The following SLC16A7 variants were observed in gnomAD, a reference collection of about 807,000 sequenced individuals.
SLC16A7 encodes monocarboxylate transporter 2.
Under a neutral mutation model 34.9 loss-of-function variants are expected in SLC16A7, and 33 were observed. The observed-to-expected ratio is 0.94, with a 90% confidence interval of 0.72 to 1.26. The LOEUF (loss-of-function observed/expected upper bound fraction) is 1.26, where lower values mean the gene tolerates loss of function less well. SLC16A7 is among the 50% of genes most tolerant of loss of function. SLC16A7 has a pLI of 0.00. For synonymous variants in SLC16A7, 201 were observed against 206.6 expected (o/e 0.97, Z 0.23); for missense variants, 573 against 578.1 (o/e 0.99, Z 0.09).
At chr12:59,773,332 G>A (rs1228407367) in intron 4 of SLC16A7, among the ~76,000 whole-genome samples, 2 of 151,956 alleles carry the variant, frequency 1.3e-5, no homozygotes, top group Non-Finnish European at 2.9e-5. Context: ...CAGCTTTTAG[G>A]GGTCCTCTTA....
chr12:59,597,667 C>G (rs1320029273), intron 1 of SLC16A7, among the ~76,000 whole-genome samples: 1 of 152,264 alleles, frequency 6.6e-6, no homozygotes, highest in East Asian at 1.9e-4. Flanking sequence ...ATATTTAGCT[C>G]TGGTGAAGCA....
chr12:59,713,573 C>A, intron 3 of SLC16A7, among the ~76,000 whole-genome samples: 1 of 152,240 alleles, frequency 6.6e-6, no homozygotes, highest in African/African-American at 2.4e-5. Flanking sequence ...AGAGTAAATG[C>A]ATTGTTCCAA....
intron 1 of SLC16A7, among the ~76,000 whole-genome samples, chr12:59,652,590 C>G (rs1473013844): frequency 1.3e-5 from 2 of 151,672 alleles, no homozygotes; most frequent in African/African-American, 4.8e-5. Context: ...TTAAAAATAC[C>G]ATACTATTTC....
chr12:59,629,033 T>A (rs1880061098), intron 1 of SLC16A7, among the ~76,000 whole-genome samples: 1 of 151,808 alleles, frequency 6.6e-6, no homozygotes, highest in East Asian at 1.9e-4. Flanking sequence ...CCAATTCAGT[T>A]CCTGGTGAGG....
At position 59,668,168 on chromosome 12, in the gene SLC16A7, A is replaced by G. The variant is rs528456480; in HGVS notation, c.-31+12918A>G. On this transcript the variant is annotated intron_variant, in intron 2 of 5. Transcript: ENST00000547379. ...GGGAAATGTGGGGTCAGAGCTCCAC[A>G]CAGAGTCCCCACTGGGGCACCATCT... 5.3e-3 allele frequency among the ~76,000 whole-genome samples: 800 copies of G among 152,330 alleles called. 6 individuals are homozygous for G. The highest frequency in any genetic ancestry group is 0.012 in the South Asian group (56 of 4,828).
chr12:59,598,533 C>T (rs1250806922), intron 1 of SLC16A7, among the ~76,000 whole-genome samples: 3 of 152,222 alleles, frequency 2.0e-5, no homozygotes, highest in Middle Eastern at 3.4e-3. Flanking sequence ...ATCCAAGTAA[C>T]TTGAAAGGAA....
intron 1 of SLC16A7, among the ~76,000 whole-genome samples, chr12:59,612,005 G>C (rs1051525795): frequency 2.6e-5 from 4 of 152,220 alleles, no homozygotes; most frequent in African/African-American, 4.8e-5. Context: ...GGTGCAAGCT[G>C]TCAGTGGATC....
chr12:59,674,897 A>G (rs1367282695), intron 2 of SLC16A7, among the ~76,000 whole-genome samples: 1 of 152,222 alleles, frequency 6.6e-6, no homozygotes, highest in Non-Finnish European at 1.5e-5. Flanking sequence ...GACAGAAGAT[A>G]GATCAAATTC....
rs558240529 is a variant in SLC16A7, at chr12:59,605,807, CT to C, written c.-130+9572del. On this transcript the variant is annotated intron_variant, in intron 1 of 5. Coordinates refer to ENST00000547379, the MANE Select transcript of SLC16A7 (RefSeq NM_001270623.2). ...TATTCTCTTTTCCTTTTTTCTCAATCTGTGTCACATGTCAGATCAGAGACTT... is the reference window on the plus strand; with the variant it reads ...TATTCTCTTTTCCTTTTTTCTCAATCGTGTCACATGTCAGATCAGAGACTT... Among the ~76,000 whole-genome samples the C allele has an allele frequency of 2.1e-3, 317 of 152,204 alleles. 1 individual carries two copies. The highest frequency in any genetic ancestry group is 7.5e-3 in the African/African-American group (310 of 41,534).
At chr12:59,624,841 G>A (rs965236393) in intron 1 of SLC16A7, among the ~76,000 whole-genome samples, 3 of 151,428 alleles carry the variant, frequency 2.0e-5, no homozygotes, top group Admixed American at 6.6e-5. Flanking sequence ...TTTATTGAGT[G>A]ACAGCAGGGC....
At chr12:59,666,157 A>G (rs184930574) in intron 2 of SLC16A7, among the ~76,000 whole-genome samples, 1 of 152,120 alleles carries the variant, frequency 6.6e-6, no homozygotes, top group Non-Finnish European at 1.5e-5. Flanking sequence ...GAGTGCTAAA[A>G]CTAAAATCAA....
Position 59,774,868 on chromosome 12 carries a change from TG to T in SLC16A7, c.575del (p.Gly192ValfsTer4). On this transcript the variant is annotated frameshift_variant, in exon 5 of 6. Coordinates refer to ENST00000547379, the MANE Select transcript of SLC16A7 (RefSeq NM_001270623.2). LOFTEE classifies it high-confidence loss of function. ...GSLLLNACVAGSLMRPLGPNQ... is the reference protein window; with the variant it reads ...GSLLLNACVAXSLMRPLGPNQ... ...GTCTACTTTTGAATGCCTGTGTGGC[TG>T]GTTCCCTCATGAGACCCCTTGGACC... The T allele has an allele frequency of 1.2e-6, 2 of 1,613,962 alleles. No individual in the cohort carries two copies. The highest frequency in any genetic ancestry group is 1.7e-6 in the Non-Finnish European group (2 of 1,179,956).
intron 3 of SLC16A7, chr12:59,735,870 G>T: frequency 1.1e-6 from 1 of 897,856 alleles, no homozygotes; most frequent in Non-Finnish European, 1.4e-6. Flanking sequence ...ACCAACATTA[G>T]AATAAAACTA....
chr12:59,755,783 G>T (rs1880250466), intron 3 of SLC16A7, among the ~76,000 whole-genome samples: 2 of 152,214 alleles, frequency 1.3e-5, no homozygotes, highest in South Asian at 4.2e-4. Context: ...AACCAAAAAG[G>T]AGCCCTCATC....
chr12:59,719,096 G>C (rs1478740362), intron 3 of SLC16A7, among the ~76,000 whole-genome samples: 1 of 152,126 alleles, frequency 6.6e-6, no homozygotes, highest in African/African-American at 2.4e-5. Flanking sequence ...GCTGTGTATT[G>C]TGTTCAAACA....
intron 3 of SLC16A7, among the ~76,000 whole-genome samples, chr12:59,726,543 A>T (rs926205723): frequency 1.6e-4 from 24 of 152,152 alleles, no homozygotes; most frequent in Non-Finnish European, 5.9e-5. Context: ...GCTCTTGGAT[A>T]TTGAATTATG....
At chr12:59,752,882 G>T (rs1239246309) in intron 3 of SLC16A7, among the ~76,000 whole-genome samples, 1 of 152,210 alleles carries the variant, frequency 6.6e-6, no homozygotes, top group Non-Finnish European at 1.5e-5. Flanking sequence ...ACAAAGGGAA[G>T]CCCATCAGAC....
chr12:59,731,977 A>T (rs1328803765), intron 3 of SLC16A7, among the ~76,000 whole-genome samples: 2 of 152,192 alleles, frequency 1.3e-5, no homozygotes, highest in African/African-American at 4.8e-5. Context: ...AGTGATATTT[A>T]TCAATGACAA....
At chr12:59,772,270 ATCTC>A (rs1393561019) in intron 4 of SLC16A7, among the ~76,000 whole-genome samples, 4 of 152,140 alleles carry the variant, frequency 2.6e-5, no homozygotes, top group South Asian at 4.1e-4. Flanking sequence ...ATCTATCCAC[ATCTC>A]TCTCCTTTTT....
Sources: gnomAD v4.1 joint callset for allele counts (sites outside exome capture counted in the v4.1 genomes callset) on GRCh38, gnomAD v4.1.1 for gene constraint, MANE v1.5 for transcripts, NCBI Gene and HGNC (gene_info 2026-07-23, HGNC 2026-07-21) for gene names.